TOPBP1: variants seen among roughly 807,000 people sequenced by gnomAD.
TOPBP1 encodes the protein DNA topoisomerase 2-binding protein 1.
In TOPBP1, 28 loss-of-function variants were observed where a neutral mutation model predicts 167.7. The ratio of observed to expected loss-of-function variants is 0.17; its 90% CI spans 0.12 to 0.23. TOPBP1 has a LOEUF of 0.23. Among genes scored for constraint, TOPBP1 ranks in the 10% least tolerant of loss-of-function variants. The probability of loss-of-function intolerance (pLI) is 1.00; values close to 1 mark genes in which losing one functional copy is unlikely to be tolerated. For missense variants in TOPBP1, 1,554 were observed against 1,809.6 expected (o/e 0.86, Z 2.56); for synonymous variants, 598 against 611.4 (o/e 0.98, Z 0.32).
In TOPBP1 at chr3:133,649,439, T is replaced by C. The variant is rs752452641; in HGVS notation, c.1448A>G (p.His483Arg). The C allele has an allele frequency of 7.4e-6, 12 of 1,613,908 alleles. No homozygotes were observed. Among genetic ancestry groups the C allele is most frequent in the Non-Finnish European group, 9.3e-6 (11 of 1,179,878 alleles). Residue 483 changes from histidine to arginine, a missense_variant, in exon 10 of 28, where the codon CAT becomes CGT. This residue lies in a region of TOPBP1 where 1,197 missense variants were observed against 1,351.5 expected (regional missense o/e 0.89). Transcript: ENST00000260810. ...GAGCAGATCTTCATCAGCTTGCTCA[T>C]GCTTTTCACTAGGAGCAAAGTCTTT... ...SKKDFAPSEK[H>R]EQADEDLLSQ... is the part of the protein sequence containing the mutation.
Position 133,659,074 on chromosome 3 carries a change from T to C in TOPBP1, c.161A>G (p.Asp54Gly), listed in dbSNP as rs1936588195. ...EEEALKIKEN[D>G]RSLYICDPFS... ...AGGGTCACAGATATAAAGTGATCTATCATTCTCCTTTATCTTCAATGCCTC... is the reference window on the plus strand; with the variant it reads ...AGGGTCACAGATATAAAGTGATCTACCATTCTCCTTTATCTTCAATGCCTC... The change falls in exon 3 of 28, where the codon GAT becomes GGT. Residue 54 changes from aspartate (D) to glycine (G), a missense_variant. Physicochemically the swap from Asp to Gly is moderately conservative, Grantham distance 94 (BLOSUM62 -1). Around this residue, in one of 3 missense-constraint regions of TOPBP1, gnomAD observed 1,197 missense variants for 1,351.5 expected, o/e 0.89. Transcript: ENST00000260810. 1 of 1,594,762 alleles carries C rather than the reference T, an allele frequency of 6.3e-7. No individual in the cohort carries two copies. Among genetic ancestry groups the C allele is most frequent in the Non-Finnish European group, 8.5e-7 (1 of 1,170,154 alleles).
intron 14 of TOPBP1, among the ~76,000 whole-genome samples, chr3:133,634,542 A>T (rs185285594): frequency 2.0e-5 from 3 of 152,282 alleles, no homozygotes; most frequent in Admixed American, 2.0e-4. Flanking sequence ...AGATAAAAGA[A>T]AAATCCACAT....
chr3:133,621,773 C>G (rs899207978), intron 19 of TOPBP1, among the ~76,000 whole-genome samples: 10 of 152,098 alleles, frequency 6.6e-5, no homozygotes, highest in Admixed American at 6.5e-4. Flanking sequence ...ATAGGTAAGT[C>G]ATAGGGAAAG....
intron 17 of TOPBP1, 130 bp from the exon 18 acceptor site, chr3:133,623,587 A>C: frequency 9.3e-7 from 1 of 1,080,984 alleles, no homozygotes; most frequent in East Asian, 2.8e-5. Context: ...TGGTTTGAAA[A>C]GTAGTTTACA....
In TOPBP1 at chr3:133,618,413, G is replaced by A; in HGVS notation, c.3392C>T (p.Pro1131Leu). ...EALRQSRQTV[P>L]DVNTEPSQNE... The stretch of plus-strand genomic sequence containing the variant: ...TTGGGAAGGCTCTGTGTTGACATCA[G>A]GTACTGTCTGACGAGACTGCCTAAG... Residue 1131 changes from proline (P) to leucine (L), a missense_variant, in exon 21 of 28, where the codon CCT becomes CTT. Around this residue, in one of 3 missense-constraint regions of TOPBP1, gnomAD observed 1,197 missense variants for 1,351.5 expected, o/e 0.89. Coordinates refer to ENST00000260810, the MANE Select transcript of TOPBP1 (RefSeq NM_007027.4). 1 of 1,613,762 alleles carries A rather than the reference G, an allele frequency of 6.2e-7. No homozygotes were observed. The highest frequency in any genetic ancestry group is 1.6e-4 in the Middle Eastern group (1 of 6,062).
At chr3:133,637,086 G>T (rs759281732) in intron 14 of TOPBP1, among the ~76,000 whole-genome samples, 26 of 152,018 alleles carry the variant, frequency 1.7e-4, no homozygotes, top group Non-Finnish European at 4.4e-5. Context: ...TTTTTAGTAA[G>T]TCCACTCCAA....
chr3:133,637,946 G>A lies in TOPBP1; in HGVS notation c.2450C>T (p.Ser817Leu), dbSNP rs17301766. The A allele has an allele frequency of 0.18, 287,150 of 1,613,762 alleles. 28,141 individuals are homozygous for A. Among genetic ancestry groups the A allele is most frequent in the Non-Finnish European group, 0.21 (242,612 of 1,179,810 alleles). Reference protein sequence around the residue: ...AVGQPLQKEPSLHLDTPSKFL... With the variant: ...AVGQPLQKEPLLHLDTPSKFL... Reference sequence around the variant, plus strand: ...TTTTGATGGTGTATCCAGGTGTAACGAGGGCTCCTTCTGAAGTGGTTGTCC... The same window carrying A: ...TTTTGATGGTGTATCCAGGTGTAACAAGGGCTCCTTCTGAAGTGGTTGTCC... Residue 817 changes from serine (S) to leucine (L), a missense_variant, in exon 14 of 28, where the codon TCG (serine) becomes TTG (leucine). By Grantham distance (145) the Ser-to-Leu change is moderately radical. This residue lies in a region of TOPBP1 where 1,197 missense variants were observed against 1,351.5 expected (regional missense o/e 0.89). Coordinates refer to ENST00000260810, the MANE Select transcript of TOPBP1 (RefSeq NM_007027.4).
chr3:133,647,916 A>G (rs1046501651), intron 10 of TOPBP1, among the ~76,000 whole-genome samples: 2 of 152,190 alleles, frequency 1.3e-5, no homozygotes, highest in Non-Finnish European at 2.9e-5. Flanking sequence ...GGGAGTTAAG[A>G]GAATATAGAG....
In TOPBP1 at chr3:133,608,162, T is replaced by C. The variant is rs534115627; in HGVS notation, c.4425+373A>G. On this transcript the variant is annotated intron_variant, in intron 27 of 27. Transcript: ENST00000260810. ...CTTAAATTTACCACAGTGTCTAACA[T>C]AGGTATTTAATGTACATGAAAGCAA... Among the ~76,000 whole-genome samples the C allele has an allele frequency of 1.6e-4, 25 of 152,252 alleles. 1 individual carries two copies. The South Asian group carries it at 4.1e-3, about 25-fold the overall frequency.
chr3:133,660,390 T>A (rs1936653432), intron 2 of TOPBP1, among the ~76,000 whole-genome samples: 1 of 152,232 alleles, frequency 6.6e-6, no homozygotes, highest in African/African-American at 2.4e-5. Context: ...CTTTGCCTGT[T>A]CTCATCACTG....
chr3:133,652,383 A>G (rs1936336435), intron 8 of TOPBP1, 80 bp downstream of exon 8: 2 of 1,500,810 alleles, frequency 1.3e-6, no homozygotes, highest in African/African-American at 1.4e-5. Flanking sequence ...AGCAAGCCCA[A>G]CTCTGAAGGG....
At position 133,611,133 on chromosome 3, in the gene TOPBP1, G is replaced by A; in HGVS notation, c.4044C>T (p.Asp1348=). The part of the protein sequence containing the change: ...RTAGHFVQEE[D]YEWGSSSILD... ...GTATGGAACTACTTCCCCATTCATAGTCTTCTTCCTAGAGAATTTGTCCAA... is the reference window on the plus strand; with the variant it reads ...GTATGGAACTACTTCCCCATTCATAATCTTCTTCCTAGAGAATTTGTCCAA... Residue 1348 remains aspartate, a synonymous_variant, in exon 25 of 28, where the codon GAC becomes GAT. Transcript: ENST00000260810. 1 of 1,610,748 alleles carries A rather than the reference G, an allele frequency of 6.2e-7. No homozygotes were observed. Among genetic ancestry groups the A allele is most frequent in the Non-Finnish European group, 8.5e-7 (1 of 1,178,144 alleles).
At chr3:133,641,638 AC>A (rs2107811862) in intron 12 of TOPBP1, among the ~76,000 whole-genome samples, 1 of 152,290 alleles carries the variant, frequency 6.6e-6, no homozygotes, top group African/African-American at 2.4e-5. Context: ...ACAGGCATGA[AC>A]CACCAGACCT....
chr3:133,630,280 T>C (rs563141641), intron 14 of TOPBP1, among the ~76,000 whole-genome samples: 9 of 151,638 alleles, frequency 5.9e-5, no homozygotes, highest in Non-Finnish European at 1.0e-4. Context: ...ATTTATCATT[T>C]GTCAAATTTT....
chr3:133,604,416 C>T (rs527797168), intron 27 of TOPBP1, among the ~76,000 whole-genome samples: 21 of 151,760 alleles, frequency 1.4e-4, no homozygotes, highest in Non-Finnish European at 2.7e-4. Flanking sequence ...AGATTACAGG[C>T]GTGTGCTACC....
At chr3:133,623,642 T>C (rs1056481142) in intron 17 of TOPBP1, among the ~76,000 whole-genome samples, 185 bp from the exon 18 acceptor site, 1 of 152,230 alleles carries the variant, frequency 6.6e-6, no homozygotes, top group Non-Finnish European at 1.5e-5. Context: ...CCTCATGTTT[T>C]AAATGTCATA....
intron 14 of TOPBP1, 70 bp from the exon 15 acceptor site, chr3:133,628,803 G>A: frequency 6.8e-7 from 1 of 1,470,832 alleles, no homozygotes; most frequent in East Asian, 2.5e-5. Context: ...TGGGTTAATA[G>A]GACAGGAAAA....
At chr3:133,617,364 A>G (rs369880720) in intron 21 of TOPBP1, 38 bp from the exon 22 acceptor site, 249 of 1,517,900 alleles carry the variant, frequency 1.6e-4, no homozygotes, top group Middle Eastern at 1.1e-3. Flanking sequence ...ACAGGATCCA[A>G]ATAAGACTAA....
chr3:133,637,787 C>T, intron 14 of TOPBP1, 89 bp downstream of exon 14: 1 of 1,380,138 alleles, frequency 7.2e-7, no homozygotes, highest in Non-Finnish European at 9.8e-7. Context: ...AAATTTATTA[C>T]TACACTTCAG....
Sources: allele counts gnomAD v4.1 joint callset (sites outside exome capture counted in the v4.1 genomes callset), GRCh38; gene constraint gnomAD v4.1.1; regional missense constraint gnomAD v4.1.1; transcripts MANE v1.5; gene names NCBI Gene and HGNC (gene_info 2026-07-23, HGNC 2026-07-21).